FRMD5: variants seen among roughly 807,000 people sequenced by gnomAD.
FRMD5 encodes FERM domain containing 5.
Under a neutral mutation model 69.0 loss-of-function variants are expected in FRMD5, and 20 were observed. The ratio of observed to expected loss-of-function variants is 0.29; its 90% CI spans 0.20 to 0.42. FRMD5 has a LOEUF of 0.42. FRMD5 is among the 10% of genes least tolerant of loss of function. The pLI is 1.00. For missense variants in FRMD5, 595 were observed against 708.6 expected (o/e 0.84, Z 1.82); for synonymous variants, 271 against 260.1 (o/e 1.04, Z -0.40).
intron 4 of FRMD5, among the ~76,000 whole-genome samples, chr15:43,914,133 G>T (rs990964205): frequency 6.6e-6 from 1 of 152,156 alleles, no homozygotes; most frequent in African/African-American, 2.4e-5. Flanking sequence ...TGTGTAACAC[G>T]AACATCTCTC....
chr15:43,898,572 G>A lies in FRMD5; in HGVS notation c.639+3603C>T, dbSNP rs73404405. On this transcript the variant is annotated intron_variant, in intron 7 of 13. Coordinates refer to ENST00000417257, the MANE Select transcript of FRMD5 (RefSeq NM_032892.5). ...CGTAACAGGACATCTCCGTAAGTTG[G>A]GCCCAGGAGGCCAAAGTACAGTGCT... Among the ~76,000 whole-genome samples the A allele has an allele frequency of 1.9e-3, 287 of 152,290 alleles. 1 individual carries two copies. Among genetic ancestry groups the A allele is most frequent in the African/African-American group, 6.7e-3 (280 of 41,538 alleles).
At chr15:44,181,461 T>C (rs1378882188) in intron 1 of FRMD5, among the ~76,000 whole-genome samples, 1 of 152,118 alleles carries the variant, frequency 6.6e-6, no homozygotes, top group Non-Finnish European at 1.5e-5. Context: ...TACATAACTA[T>C]AGTATGTTAT....
At chr15:44,094,052 C>A (rs1051399087) in intron 1 of FRMD5, among the ~76,000 whole-genome samples, 1 of 152,166 alleles carries the variant, frequency 6.6e-6, no homozygotes, top group African/African-American at 2.4e-5. Flanking sequence ...CATATGGACT[C>A]TGGCATATGT....
chr15:43,920,091 GT>G (rs1315176140), intron 2 of FRMD5, among the ~76,000 whole-genome samples: 1 of 152,336 alleles, frequency 6.6e-6, no homozygotes, highest in African/African-American at 2.4e-5. Flanking sequence ...TCTGAGCCAT[GT>G]TTTTGGCATG....
At chr15:44,154,339 G>GA (rs1025291423) in intron 1 of FRMD5, among the ~76,000 whole-genome samples, 1 of 148,568 alleles carries the variant, frequency 6.7e-6, no homozygotes, top group Non-Finnish European at 1.5e-5. Flanking sequence ...AACAAACAAA[G>GA]AAAAAAAACC....
chr15:43,906,762 C>T (rs113494487), intron 5 of FRMD5, among the ~76,000 whole-genome samples: 16,028 of 119,244 alleles, frequency 0.13, 3,515 homozygotes, highest in African/African-American at 0.52. Flanking sequence ...CCACCTCGCC[C>T]GGCTGATTTT....
At chr15:44,111,526 A>G (rs1056929525) in intron 1 of FRMD5, among the ~76,000 whole-genome samples, 9 of 152,222 alleles carry the variant, frequency 5.9e-5, no homozygotes, top group Non-Finnish European at 1.3e-4. Context: ...GTATCCTTGG[A>G]AGGCTCACTG....
chr15:43,903,187 C>T (rs767133441), intron 6 of FRMD5, among the ~76,000 whole-genome samples: 4 of 152,236 alleles, frequency 2.6e-5, no homozygotes, highest in Non-Finnish European at 5.9e-5. Flanking sequence ...GTCCAGAGCC[C>T]TGCAAAGCAG....
Position 43,888,194 on chromosome 15 carries a change from C to T in FRMD5, c.865G>A (p.Glu289Lys), listed in dbSNP as rs781351864. The stretch of plus-strand genomic sequence containing the variant: ...ACTCACTTGTAGAAGGCTTGGTTCT[C>T]GATTCCACATTTCCAGAGGTGCTTA... ...ACKHLWKCGI[E>K]NQAFYKLEKS... Residue 289 changes from glutamate to lysine, a missense_variant, in exon 10 of 14, where the codon GAG becomes AAG. Transcript: ENST00000417257. The T allele has an allele frequency of 1.2e-6, 2 of 1,613,416 alleles. No homozygotes were observed. Among genetic ancestry groups the T allele is most frequent in the Non-Finnish European group, 1.7e-6 (2 of 1,179,336 alleles).
intron 1 of FRMD5, among the ~76,000 whole-genome samples, chr15:44,109,829 C>T (rs948388693): frequency 3.9e-5 from 6 of 152,166 alleles, no homozygotes; most frequent in Non-Finnish European, 5.9e-5. Context: ...CTTTCCTAAC[C>T]CCTGGAAACC....
At chr15:44,046,006 C>T (rs1892411420) in intron 1 of FRMD5, among the ~76,000 whole-genome samples, 1 of 152,134 alleles carries the variant, frequency 6.6e-6, no homozygotes, top group South Asian at 2.1e-4. Flanking sequence ...TTATGCACAG[C>T]ACTGAAATGT....
Position 44,058,556 on chromosome 15 carries a change from G to A in FRMD5, c.103-134247C>T, listed in dbSNP as rs552385612. Among the ~76,000 whole-genome samples the A allele has an allele frequency of 4.6e-5, 7 of 152,268 alleles. No individual in the cohort carries two copies. The East Asian group carries it at 9.6e-4, about 21-fold the overall frequency. ...AAGTAATGGGCTTTGGGAGGCCGAG[G>A]TGGGCAGATCACAACGTCGGGAGAT... On this transcript the variant is annotated intron_variant, in intron 1 of 13. Coordinates refer to ENST00000417257, the MANE Select transcript of FRMD5 (RefSeq NM_032892.5).
At chr15:43,945,334 C>T (rs2089928518) in intron 1 of FRMD5, among the ~76,000 whole-genome samples, 1 of 152,014 alleles carries the variant, frequency 6.6e-6, no homozygotes, top group Admixed American at 6.6e-5. Flanking sequence ...TAAAGACTCC[C>T]TTCATTAAAA....
At chr15:43,987,201 T>A (rs1170275136) in intron 1 of FRMD5, among the ~76,000 whole-genome samples, 1 of 151,982 alleles carries the variant, frequency 6.6e-6, no homozygotes, top group East Asian at 1.9e-4. Context: ...AAAGGAAGAG[T>A]CACATGTCTC....
intron 1 of FRMD5, among the ~76,000 whole-genome samples, chr15:44,146,248 T>C (rs1004012026): frequency 9.9e-5 from 15 of 152,080 alleles, no homozygotes; most frequent in Non-Finnish European, 2.1e-4. Flanking sequence ...TGAGAACATG[T>C]GGTGTTTGGT....
At chr15:43,970,854 A>G (rs1159882290) in intron 1 of FRMD5, among the ~76,000 whole-genome samples, 1 of 152,200 alleles carries the variant, frequency 6.6e-6, no homozygotes, top group African/African-American at 2.4e-5. Flanking sequence ...TGGGTAGCAT[A>G]TTATAGTAAT....
At chr15:44,068,897 G>A (rs1893418670) in intron 1 of FRMD5, among the ~76,000 whole-genome samples, 1 of 152,180 alleles carries the variant, frequency 6.6e-6, no homozygotes, top group South Asian at 2.1e-4. Flanking sequence ...AAGGTATTGG[G>A]AAGGCAGGAA....
At chr15:43,994,633 T>C (rs1249866739) in intron 1 of FRMD5, among the ~76,000 whole-genome samples, 1 of 152,168 alleles carries the variant, frequency 6.6e-6, no homozygotes, top group Non-Finnish European at 1.5e-5. Flanking sequence ...GGTTTTACCA[T>C]GTTGGCCAGG....
At chr15:43,925,185 A>G (rs1487372529) in intron 1 of FRMD5, among the ~76,000 whole-genome samples, 1 of 151,948 alleles carries the variant, frequency 6.6e-6, no homozygotes, top group Non-Finnish European at 1.5e-5. Flanking sequence ...TTGTATTTTT[A>G]GTAGACACGG....
Sources: allele counts gnomAD v4.1 joint callset (sites outside exome capture counted in the v4.1 genomes callset), GRCh38; gene constraint gnomAD v4.1.1; transcripts MANE v1.5; gene names NCBI Gene and HGNC (gene_info 2026-07-23, HGNC 2026-07-21).